Variants in ERC2 observed in about 807,000 individuals in gnomAD.
ERC2 encodes the protein ELKS/RAB6-interacting/CAST family member 2, also known as ERC protein 2.
ERC2 carries 42 observed loss-of-function variants against 114.8 expected under a neutral mutation model. The observed-to-expected ratio is 0.37, with a 90% CI of 0.29 to 0.47. The LOEUF (loss-of-function observed/expected upper bound fraction) is 0.47. Among genes scored for constraint, ERC2 ranks in the 20% least tolerant of loss-of-function variants. The probability of loss-of-function intolerance (pLI) is 0.99; values close to 1 mark genes in which losing one functional copy is unlikely to be tolerated. For missense variants in ERC2, 939 were observed against 1,150.7 expected, an observed-to-expected ratio of 0.82 and a Z score of 2.66; for synonymous variants, 454 against 425.5, an observed-to-expected ratio of 1.07 and a Z score of -0.82.
chr3:55,706,152 C>T (rs776693159), intron 15 of ERC2, among the ~76,000 whole-genome samples: 3 of 152,118 alleles, frequency 2.0e-5, no homozygotes, highest in Admixed American at 6.5e-5. Context: ...CATCCTGGCC[C>T]CTCAGTGGAC....
intron 2 of ERC2, among the ~76,000 whole-genome samples, chr3:56,332,494 G>C (rs2057671193): frequency 6.6e-6 from 1 of 152,188 alleles, no homozygotes; most frequent in South Asian, 2.1e-4. Context: ...ACCCAGCAGA[G>C]CCATGATTTC....
At chr3:56,441,637 C>T (rs2062312802) in intron 1 of ERC2, among the ~76,000 whole-genome samples, 1 of 152,164 alleles carries the variant, frequency 6.6e-6, no homozygotes, top group Non-Finnish European at 1.5e-5. Context: ...CAGACTGTTG[C>T]TCTGTCTCCC....
At chr3:55,933,485 A>G (rs1188389113) in intron 13 of ERC2, among the ~76,000 whole-genome samples, 1 of 152,246 alleles carries the variant, frequency 6.6e-6, no homozygotes, top group African/African-American at 2.4e-5. Flanking sequence ...GGAAGTATAC[A>G]GTGTTTCTAA....
At chr3:56,143,860 C>T (rs1022530445) in intron 5 of ERC2, among the ~76,000 whole-genome samples, 2 of 152,170 alleles carry the variant, frequency 1.3e-5, no homozygotes, top group Non-Finnish European at 2.9e-5. Context: ...AGAAAACTGA[C>T]ATAAACAATA....
intron 17 of ERC2, among the ~76,000 whole-genome samples, chr3:55,577,870 G>A (rs541822482): frequency 6.6e-6 from 1 of 152,350 alleles, no homozygotes; most frequent in East Asian, 1.9e-4. Context: ...TGTCTAGACT[G>A]CCACAGTATG....
intron 17 of ERC2, among the ~76,000 whole-genome samples, chr3:55,651,374 C>G (rs565107743): frequency 2.0e-4 from 31 of 152,216 alleles, no homozygotes; most frequent in African/African-American, 5.8e-4. Context: ...GAAAGTTCAG[C>G]CATAAGAGTT....
rs575021564 is a variant in ERC2 at position 55,733,109 on chromosome 3, C to T, written c.2712+1662G>A. On this transcript the variant is annotated intron_variant, in intron 15 of 17. Transcript: ENST00000288221. ...CGAGCTCAAGGGCTGTTTCTTAGGT[C>T]TATAAACCTGTGGGAGAAAGCTACA... Among the ~76,000 whole-genome samples, 120 of 152,194 alleles carry T rather than the reference C, an allele frequency of 7.9e-4. No individual in the cohort carries two copies. The Middle Eastern group carries it at 0.017, about 22-fold the overall frequency.
intron 2 of ERC2, among the ~76,000 whole-genome samples, chr3:56,336,573 C>T (rs1229929956): frequency 6.6e-6 from 1 of 152,132 alleles, no homozygotes; most frequent in Non-Finnish European, 1.5e-5. Context: ...GCAGGTGGAT[C>T]ACCTGAGGTC....
chr3:55,783,791 C>T (rs2069255343), intron 14 of ERC2, among the ~76,000 whole-genome samples: 1 of 152,122 alleles, frequency 6.6e-6, no homozygotes, highest in South Asian at 2.1e-4. Context: ...ACCAAACACC[C>T]ATCCCCAAGG....
intron 15 of ERC2, among the ~76,000 whole-genome samples, chr3:55,705,083 G>T (rs1024952417): frequency 6.6e-6 from 1 of 152,124 alleles, no homozygotes; most frequent in Non-Finnish European, 1.5e-5. Flanking sequence ...CCAGGTGCAG[G>T]GGTGAGGCAA....
chr3:56,274,848 G>C (rs2053893254), intron 3 of ERC2, among the ~76,000 whole-genome samples: 1 of 152,174 alleles, frequency 6.6e-6, no homozygotes, highest in Non-Finnish European at 1.5e-5. Context: ...AAAATCTGGA[G>C]TTCTGGAGCA....
chr3:55,613,113 A>G, intron 17 of ERC2: 1 of 152,242 alleles, frequency 6.6e-6, no homozygotes, highest in Non-Finnish European at 1.5e-5. Context: ...GTAAATAAAC[A>G]TGAATTATTT....
intron 2 of ERC2, among the ~76,000 whole-genome samples, chr3:56,363,209 ACTC>A (rs763194003): frequency 3.9e-5 from 6 of 152,154 alleles, no homozygotes; most frequent in Non-Finnish European, 7.4e-5. Context: ...TTAGGAATAA[ACTC>A]CTGATGAATC....
chr3:55,704,054 C>T (rs748514823), intron 15 of ERC2, among the ~76,000 whole-genome samples: 10 of 152,146 alleles, frequency 6.6e-5, no homozygotes, highest in Non-Finnish European at 1.5e-4. Context: ...CTTTAGAAAA[C>T]CTCTGTTAGT....
At chr3:55,586,936 C>T (rs2057633948) in intron 17 of ERC2, among the ~76,000 whole-genome samples, 1 of 152,170 alleles carries the variant, frequency 6.6e-6, no homozygotes, top group Non-Finnish European at 1.5e-5. Context: ...AAATCTTCCT[C>T]CCACTCATCC....
At chr3:55,528,004 A>T (rs1417868863) in intron 17 of ERC2, among the ~76,000 whole-genome samples, 1 of 152,172 alleles carries the variant, frequency 6.6e-6, no homozygotes, top group East Asian at 1.9e-4. Context: ...AAAGATAGTA[A>T]CACCCCACAG....
At chr3:55,514,190 A>T (rs2052321870) in intron 17 of ERC2, among the ~76,000 whole-genome samples, 1 of 152,184 alleles carries the variant, frequency 6.6e-6, no homozygotes, top group South Asian at 2.1e-4. Context: ...TGAGCCCAGA[A>T]ATTGGAGACC....
At chr3:56,033,101 A>G (rs1363466154) in intron 7 of ERC2, among the ~76,000 whole-genome samples, 1 of 150,828 alleles carries the variant, frequency 6.6e-6, no homozygotes, top group African/African-American at 2.4e-5. Context: ...AAAGTAAAGT[A>G]AAAACAAAGG....
At chr3:56,137,944 G>A (rs982484939) in intron 6 of ERC2, among the ~76,000 whole-genome samples, 1 of 151,342 alleles carries the variant, frequency 6.6e-6, no homozygotes, top group African/African-American at 2.4e-5. Context: ...AAAGGAGATA[G>A]AAGCCAACTT....
Sources: allele counts gnomAD v4.1 joint callset (sites outside exome capture counted in the v4.1 genomes callset), GRCh38; gene constraint gnomAD v4.1.1; transcripts MANE v1.5; gene names NCBI Gene and HGNC (gene_info 2026-07-23, HGNC 2026-07-21).